Variants in F11R observed in about 807,000 individuals in gnomAD.
The protein encoded by F11R is junctional adhesion molecule A.
Under a neutral mutation model 39.3 loss-of-function variants are expected in F11R, and 27 were observed. The ratio of observed to expected loss-of-function variants is 0.69; its 90% CI spans 0.51 to 0.95. The LOEUF (loss-of-function observed/expected upper bound fraction) is 0.95. F11R is among the 40% of genes least tolerant of loss of function. The pLI, the probability that F11R is intolerant of heterozygous loss-of-function variation, is 0.00. For missense variants in F11R, 335 were observed against 372.7 expected, an observed-to-expected ratio of 0.90 and a Z score of 0.83; for synonymous variants, 131 against 144.9, an observed-to-expected ratio of 0.90 and a Z score of 0.69.
intron 1 of F11R, among the ~76,000 whole-genome samples, chr1:161,012,962 G>C (rs1649256548): frequency 6.6e-6 from 1 of 152,066 alleles, no homozygotes; most frequent in Admixed American, 6.6e-5. Flanking sequence ...AGGCTCAGGG[G>C]TACATATGCA....
rs913388047 is a variant in F11R, at chr1:161,000,227, C to T, written c.510G>A (p.Gly170=). ...PPSEYTWFKD[G]IVMPTNPKST... ...TTTTGGGATTCGTAGGCATCACTATCCCATCTTTGAACCAGGTGTATTCAG... is the reference window on the plus strand; with the variant it reads ...TTTTGGGATTCGTAGGCATCACTATTCCATCTTTGAACCAGGTGTATTCAG... The change falls in exon 5 of 10, where the codon GGG becomes GGA. Residue 170 remains glycine, a synonymous_variant. Coordinates refer to ENST00000368026, the MANE Select transcript of F11R (RefSeq NM_016946.6). The T allele has an allele frequency of 3.1e-6, 5 of 1,614,154 alleles. No individual in the cohort carries two copies. Among genetic ancestry groups the T allele is most frequent in the Non-Finnish European group, 3.4e-6 (4 of 1,180,034 alleles).
chr1:161,007,471 A>AG (rs1298276079), intron 1 of F11R, among the ~76,000 whole-genome samples: 1 of 151,758 alleles, frequency 6.6e-6, no homozygotes. Flanking sequence ...GTCTCAGAAA[A>AG]GAAAAAAAAA....
rs538878595 is a variant in F11R at position 160,998,557 on chromosome 1, C to T, written c.*314G>A. 1.0e-3 allele frequency: 555 copies of T among 529,966 alleles called. 2 individuals are homozygous for T. The highest frequency in any genetic ancestry group is 3.9e-3 in the African/African-American group (203 of 52,710). 32.8% of individuals were successfully genotyped at this position (529,966 alleles called of 1,614,324 possible). On this transcript the variant is annotated 3_prime_UTR_variant, in exon 10 of 10. Coordinates refer to ENST00000368026, the MANE Select transcript of F11R (RefSeq NM_016946.6). ...GTTGAGTGCAGATTCCTGCGACCCC[C>T]GCCATTTTTGCTGTCTACTTAGAAG...
intron 1 of F11R, among the ~76,000 whole-genome samples, chr1:161,011,978 A>G (rs1649184844): frequency 6.6e-6 from 1 of 152,076 alleles, no homozygotes. Context: ...CTCCTAAAAC[A>G]TTTTGTACTT....
At chr1:161,001,980 C>T (rs2101970387) in intron 1 of F11R, among the ~76,000 whole-genome samples, 1 of 152,156 alleles carries the variant, frequency 6.6e-6, no homozygotes, top group South Asian at 2.1e-4. Context: ...GATCACACAG[C>T]TGGGGCCAGG....
intron 1 of F11R, among the ~76,000 whole-genome samples, chr1:161,017,786 G>A (rs1649545726): frequency 6.6e-6 from 1 of 152,194 alleles, no homozygotes. Context: ...CAGGTGTGGA[G>A]GGGCAACCCA....
chr1:161,007,379 T>G (rs1327088257), intron 1 of F11R, among the ~76,000 whole-genome samples: 1 of 146,876 alleles, frequency 6.8e-6, no homozygotes, highest in Non-Finnish European at 1.5e-5. Context: ...GCAGGAGAAT[T>G]GCTTGAACCT....
intron 1 of F11R, among the ~76,000 whole-genome samples, chr1:161,006,014 G>A (rs1179979450): frequency 2.6e-5 from 4 of 151,812 alleles, no homozygotes; most frequent in South Asian, 2.1e-4. Flanking sequence ...GGCGGGCAAC[G>A]GTAATCCCAA....
chr1:161,011,071 C>T (rs1016803516), intron 1 of F11R, among the ~76,000 whole-genome samples: 14 of 150,294 alleles, frequency 9.3e-5, no homozygotes, highest in East Asian at 3.9e-4. Context: ...CTTGCTCTGT[C>T]GCCCAGGCTG....
intron 1 of F11R, among the ~76,000 whole-genome samples, chr1:161,006,222 C>G (rs1648801349): frequency 6.6e-6 from 1 of 151,882 alleles, no homozygotes; most frequent in Admixed American, 6.6e-5. Context: ...AAGACTATAA[C>G]GCAAACTTGG....
chr1:161,018,918 T>G (rs552931827), intron 1 of F11R, among the ~76,000 whole-genome samples: 50 of 152,264 alleles, frequency 3.3e-4, no homozygotes, highest in Non-Finnish European at 6.6e-4. Flanking sequence ...AAGCTCAAAA[T>G]GGTGTTATCA....
At chr1:161,005,339 T>G (rs1648742403) in intron 1 of F11R, among the ~76,000 whole-genome samples, 1 of 146,294 alleles carries the variant, frequency 6.8e-6, no homozygotes, top group Non-Finnish European at 1.5e-5. Context: ...TTTCTCACTC[T>G]GTTGCCCCGG....
intron 1 of F11R, among the ~76,000 whole-genome samples, chr1:161,003,796 T>C (rs545302104): frequency 9.0e-4 from 136 of 151,708 alleles, no homozygotes; most frequent in African/African-American, 3.1e-3. Flanking sequence ...TGGAGTTTTG[T>C]TCTAGTTGCC....
At chr1:160,999,779 G>C in intron 6 of F11R, 32 bp from the exon 7 acceptor site, 1 of 1,608,220 alleles carries the variant, frequency 6.2e-7, no homozygotes, top group Non-Finnish European at 8.5e-7. Flanking sequence ...TCAGGCACGG[G>C]GATACTCACT....
At chr1:161,004,053 C>T (rs926951837) in intron 1 of F11R, among the ~76,000 whole-genome samples, 5 of 152,054 alleles carry the variant, frequency 3.3e-5, no homozygotes, top group South Asian at 2.1e-4. Context: ...CGTGAGCCAC[C>T]GCGCCCGGCA....
At chr1:161,010,735 C>T (rs186504379) in intron 1 of F11R, among the ~76,000 whole-genome samples, 8 of 152,080 alleles carry the variant, frequency 5.3e-5, no homozygotes, top group Admixed American at 2.6e-4. Context: ...CCTGTAATCC[C>T]AGCACTTCGG....
At position 161,001,173 on chromosome 1, in the gene F11R, TAC is replaced by T. The variant is rs747133980; in HGVS notation, c.134-48_134-47del. The stretch of plus-strand genomic sequence containing the variant: ...AGCCGAAGGAAGAAGCAGCAGCAAA[TAC>T]ACGAGATGGGGAACAGCCCCAAACT... On this transcript the variant is annotated intron_variant, in intron 2 of 9. Coordinates refer to ENST00000368026, the MANE Select transcript of F11R (RefSeq NM_016946.6). 16 of 1,602,504 alleles carry T rather than the reference TAC, an allele frequency of 1.0e-5. No homozygotes were observed. In the South Asian group the frequency reaches 1.8e-4, roughly 18 times the overall value.
At chr1:161,014,374 G>A (rs1337337931) in intron 1 of F11R, among the ~76,000 whole-genome samples, 1 of 152,170 alleles carries the variant, frequency 6.6e-6, no homozygotes, top group Non-Finnish European at 1.5e-5. Context: ...TTGGAGGGGG[G>A]TGGGATGTAT....
At chr1:161,015,409 T>C (rs201239119) in intron 1 of F11R, among the ~76,000 whole-genome samples, 1 of 45,630 alleles carries the variant, frequency 2.2e-5, no homozygotes, top group Non-Finnish European at 5.1e-5. Context: ...AAAAAAAAAA[T>C]ATATATATAT....
Sources: allele counts gnomAD v4.1 joint callset (sites outside exome capture counted in the v4.1 genomes callset), GRCh38; gene constraint gnomAD v4.1.1; transcripts MANE v1.5; gene names NCBI Gene and HGNC (gene_info 2026-07-23, HGNC 2026-07-21).